The following GTF3C1 variants were observed in gnomAD, a reference collection of about 807,000 sequenced individuals.
GTF3C1 encodes the protein general transcription factor IIIC subunit 1.
In GTF3C1, 57 loss-of-function variants were observed where a neutral mutation model predicts 226.7. The observed-to-expected ratio is 0.25, with a 90% CI of 0.20 to 0.31. The LOEUF (loss-of-function observed/expected upper bound fraction) is 0.31. Among genes scored for constraint, GTF3C1 ranks in the 10% least tolerant of loss-of-function variants. GTF3C1 has a pLI of 1.00. For missense variants in GTF3C1, 2,217 were observed against 2,776.1 expected (o/e 0.80, Z 4.53); for synonymous variants, 1,090 against 1,084.8 (o/e 1.00, Z -0.09).
At chr16:27,489,824 A>G in intron 19 of GTF3C1, 81 bp from the exon 20 acceptor site, 1 of 1,427,826 alleles carries the variant, frequency 7.0e-7, no homozygotes, top group Non-Finnish European at 9.6e-7. Context: ...TGGGTGGGGA[A>G]GAAGAGTGGA....
At chr16:27,525,181 G>GAAAGA (rs1305530002) in intron 6 of GTF3C1, among the ~76,000 whole-genome samples, 1 of 114,536 alleles carries the variant, frequency 8.7e-6, no homozygotes, top group South Asian at 2.3e-4. Context: ...AGAAAAGAAA[G>GAAAGA]AAATAAAAGA....
intron 32 of GTF3C1, among the ~76,000 whole-genome samples, chr16:27,466,980 C>T (rs886464415): frequency 3.9e-5 from 6 of 152,194 alleles, no homozygotes; most frequent in African/African-American, 1.2e-4. Context: ...AAGCCGTCTC[C>T]GTAACATAAA....
At chr16:27,503,053 GCAC>G (rs2088431281) in intron 10 of GTF3C1, 58 bp from the exon 11 acceptor site, 13 of 1,377,800 alleles carry the variant, frequency 9.4e-6, no homozygotes, top group Non-Finnish European at 1.0e-5. Flanking sequence ...TGGGGGCCAC[GCAC>G]CACACCTGTG....
Position 27,464,488 on chromosome 16 carries a change from C to A in GTF3C1, c.5704G>T (p.Glu1902Ter). 6.5e-7 allele frequency: 1 copy of A among 1,544,636 alleles called. No individual in the cohort carries two copies. The highest frequency in any genetic ancestry group is 8.7e-7 in the Non-Finnish European group (1 of 1,149,670). ...GGGGCCTGGGCTTCTGCCCCATCTT[C>A]AGCTCCGGGCCCAAGGCTGGGGGCC... ...NLAPSLGPGAEDGAEAQAPSP... is the reference protein window; with the variant it reads ...NLAPSLGPGA Residue 1902 changes from glutamate (E) to a stop codon, truncating the protein, a stop_gained, in exon 34 of 37, where the codon GAA becomes TAA. Coordinates refer to ENST00000356183, the MANE Select transcript of GTF3C1 (RefSeq NM_001520.4). LOFTEE classifies it high-confidence loss of function.
At chr16:27,487,694 G>A (rs1428520158) in intron 23 of GTF3C1, among the ~76,000 whole-genome samples, 1 of 152,216 alleles carries the variant, frequency 6.6e-6, no homozygotes, top group African/African-American at 2.4e-5. Context: ...TTGAGAGGCT[G>A]AGGCAGGAGA....
chr16:27,520,877 C>T (rs1193410913), intron 6 of GTF3C1, among the ~76,000 whole-genome samples: 1 of 152,214 alleles, frequency 6.6e-6, no homozygotes, highest in Non-Finnish European at 1.5e-5. Context: ...TGCCACCATG[C>T]CCAACTAATT....
At position 27,545,884 on chromosome 16, in the gene GTF3C1, T is replaced by C. The variant is rs565849384; in HGVS notation, c.222-361A>G. Among the ~76,000 whole-genome samples the C allele has an allele frequency of 1.7e-4, 26 of 152,348 alleles. No homozygotes were observed. In the South Asian group the frequency reaches 4.3e-3, roughly 25 times the overall value. On this transcript the variant is annotated intron_variant, in intron 1 of 36. Transcript: ENST00000356183. ...CTTTTTTGAGATGGAGTTTTGCTCT[T>C]GTTGCCCAGGCTAGAGTCCAATGGC...
chr16:27,508,431 T>C (rs1233621497), intron 8 of GTF3C1, 109 bp downstream of exon 8: 5 of 846,120 alleles, frequency 5.9e-6, no homozygotes, highest in Admixed American at 2.1e-5. Flanking sequence ...ATTTGCCTCC[T>C]TGACACAGAT....
At position 27,463,835 on chromosome 16, in the gene GTF3C1, G is replaced by A; in HGVS notation, c.5873-243C>T. On this transcript the variant is annotated intron_variant, in intron 34 of 36. Transcript: ENST00000356183. This position sits in a 1 kb window ranked among gnomAD's most constrained non-coding sequence, Gnocchi z 4.9. ...CCCAGGCCCGGACAAGCCCCACATT[G>A]CAGGAAGCCAGCGAACACCTCATTT... The A allele has an allele frequency of 1.8e-6, 1 of 540,900 alleles. No individual in the cohort carries two copies. The highest frequency in any genetic ancestry group is 3.2e-6 in the Non-Finnish European group (1 of 309,792). 33.5% of individuals were successfully genotyped at this position (540,900 alleles called of 1,614,324 possible).
Position 27,533,263 on chromosome 16 carries a change from CCCCG to C in GTF3C1, c.849+24_849+27del, listed in dbSNP as rs751423019. On this transcript the variant is annotated intron_variant, in intron 5 of 36. Transcript: ENST00000356183. ...CGGCTATGGTACAGATCACACCCAG[CCCCG>C]CCCGTGGGAAACCCCAGGCTCACCA... 10 of 1,181,978 alleles carry C rather than the reference CCCCG, an allele frequency of 8.5e-6. No homozygotes were observed. The Middle Eastern group carries it at 1.1e-3, about 135-fold the overall frequency. 73.2% of individuals were successfully genotyped at this position (1,181,978 alleles called of 1,614,324 possible).
chr16:27,484,404 A>G, intron 24 of GTF3C1, 51 bp from the exon 25 acceptor site: 1 of 1,316,104 alleles, frequency 7.6e-7, no homozygotes, highest in Non-Finnish European at 1.1e-6. Flanking sequence ...CAGAGACGAC[A>G]TCATGGGGAA....
chr16:27,482,556 C>T, intron 26 of GTF3C1: 2 of 456,098 alleles, frequency 4.4e-6, no homozygotes, highest in South Asian at 1.5e-5. Flanking sequence ...TGTCCACTGG[C>T]CTCACTTGGC....
intron 10 of GTF3C1, 39 bp from the exon 11 acceptor site, chr16:27,503,034 G>A (rs775417465): frequency 1.6e-5 from 25 of 1,575,452 alleles, no homozygotes; most frequent in African/African-American, 1.3e-4. Context: ...CAATGGGCTC[G>A]GCAAGGCTTG....
At chr16:27,519,572 G>A (rs1299971808) in intron 6 of GTF3C1, among the ~76,000 whole-genome samples, 1 of 152,208 alleles carries the variant, frequency 6.6e-6, no homozygotes, top group Non-Finnish European at 1.5e-5. Flanking sequence ...ATGGGAGGCA[G>A]CAGAGTAAGT....
chr16:27,524,444 C>T (rs948645303), intron 6 of GTF3C1, among the ~76,000 whole-genome samples: 6 of 152,108 alleles, frequency 3.9e-5, no homozygotes, highest in African/African-American at 1.2e-4. Context: ...TCTCACAATA[C>T]CCTGGAAAGT....
intron 6 of GTF3C1, among the ~76,000 whole-genome samples, chr16:27,512,331 T>C (rs1027919442): frequency 1.3e-5 from 2 of 152,198 alleles, no homozygotes; most frequent in Admixed American, 6.5e-5. Context: ...ATCTTTTTCC[T>C]TTTAAGCTAA....
chr16:27,529,133 G>A (rs2088876748), intron 5 of GTF3C1, among the ~76,000 whole-genome samples: 1 of 152,072 alleles, frequency 6.6e-6, no homozygotes, highest in Non-Finnish European at 1.5e-5. Context: ...AGAAAAAAAA[G>A]GGGAAAAAAT....
rs2087835927 is a variant in GTF3C1, at chr16:27,469,569, C to T, written c.4815-19G>A. 1 of 1,599,956 alleles carries T rather than the reference C, an allele frequency of 6.3e-7. No homozygotes were observed. Among genetic ancestry groups the T allele is most frequent in the Non-Finnish European group, 8.6e-7 (1 of 1,169,384 alleles). On this transcript the variant is annotated intron_variant, in intron 31 of 36. Transcript: ENST00000356183. This position sits in a 1 kb window ranked among gnomAD's most constrained non-coding sequence, Gnocchi z 4.5. ...CCCCAAGCTAGAAGGGAATTGTGAC[C>T]TGGATACCTGAGCATAGGCCAGCCA...
chr16:27,521,147 A>T (rs2088742011), intron 6 of GTF3C1, among the ~76,000 whole-genome samples: 1 of 152,234 alleles, frequency 6.6e-6, no homozygotes, highest in Admixed American at 6.5e-5. Context: ...CACATCCGTC[A>T]CTGAGAAACA....
Sources: gnomAD v4.1 joint callset for allele counts (sites outside exome capture counted in the v4.1 genomes callset) on GRCh38, gnomAD v4.1.1 for gene constraint, Gnocchi (gnomAD v3.1) non-coding constraint, MANE v1.5 for transcripts, NCBI Gene and HGNC (gene_info 2026-07-23, HGNC 2026-07-21) for gene names.